The following MLLT3 variants were observed in gnomAD, a reference collection of about 807,000 sequenced individuals.
The protein encoded by MLLT3 is MLLT3 super elongation complex subunit, also known as protein AF-9.
Under a neutral mutation model 53.2 loss-of-function variants are expected in MLLT3, and 4 were observed. The observed-to-expected ratio is 0.08, with a 90% CI of 0.04 to 0.17. The LOEUF (loss-of-function observed/expected upper bound fraction) is 0.17, where lower values mean the gene tolerates loss of function less well. Among genes scored for constraint, MLLT3 ranks in the 10% least tolerant of loss-of-function variants. The pLI, the probability that MLLT3 is intolerant of heterozygous loss-of-function variation, is 1.00. For synonymous variants in MLLT3, 283 were observed against 230.6 expected (o/e 1.23, Z -2.06); for missense variants, 569 against 684.0 (o/e 0.83, Z 1.87).
intron 2 of MLLT3, among the ~76,000 whole-genome samples, chr9:20,492,248 A>G (rs1477301221): frequency 6.6e-6 from 1 of 152,012 alleles, no homozygotes; most frequent in Non-Finnish European, 1.5e-5. Context: ...GATTTTTTCA[A>G]AGGCTGATAG....
Position 20,343,312 on chromosome 9 carries a change from T to C in MLLT3, c.*3131A>G, listed in dbSNP as rs907823162. ...TAGAGAGATTTAAATTGCCTAGCAA[T>C]TTAAAATGTTTAAGACACTCTCTTA... is the stretch of plus-strand genomic sequence containing the variant. On this transcript the variant is annotated 3_prime_UTR_variant, in exon 11 of 11. Coordinates refer to ENST00000380338, the MANE Select transcript of MLLT3 (RefSeq NM_004529.4). The C allele has an allele frequency of 4.0e-5, 8 of 201,420 alleles. No homozygotes were observed. In the Admixed American group the frequency reaches 4.8e-4, roughly 12 times the overall value. 12.5% of individuals were successfully genotyped at this position (201,420 alleles called of 1,614,324 possible).
At chr9:20,420,259 TAACTTAGAATAAA>T (rs1289609600) in intron 4 of MLLT3, among the ~76,000 whole-genome samples, 1 of 152,148 alleles carries the variant, frequency 6.6e-6, no homozygotes, top group Non-Finnish European at 1.5e-5. Context: ...AGATCAAGTA[TAACTTAGAATAAA>T]AATGGAAGAA....
chr9:20,358,299 T>C (rs1037783431), intron 8 of MLLT3, among the ~76,000 whole-genome samples: 2 of 152,144 alleles, frequency 1.3e-5, no homozygotes, highest in African/African-American at 4.8e-5. Flanking sequence ...GTGGTATATA[T>C]ATTTCCTAAC....
At chr9:20,482,724 C>A (rs1328596498) in intron 2 of MLLT3, among the ~76,000 whole-genome samples, 3 of 152,066 alleles carry the variant, frequency 2.0e-5, no homozygotes, top group Non-Finnish European at 4.4e-5. Flanking sequence ...GTATAAGAGG[C>A]ATTAGCGGAT....
intron 2 of MLLT3, among the ~76,000 whole-genome samples, chr9:20,460,962 G>A (rs1824091846): frequency 6.6e-6 from 1 of 152,094 alleles, no homozygotes; most frequent in Non-Finnish European, 1.5e-5. Context: ...TAATCAACTG[G>A]GCCAGAAGAT....
intron 2 of MLLT3, among the ~76,000 whole-genome samples, chr9:20,590,883 A>G (rs1014424400): frequency 6.6e-6 from 1 of 151,172 alleles, no homozygotes; most frequent in East Asian, 1.9e-4. Flanking sequence ...TGGATGATGG[A>G]CATGCATCAC....
chr9:20,620,978 G>T lies in MLLT3; in HGVS notation c.13-144C>A. 1 of 1,000,416 alleles carries T rather than the reference G, an allele frequency of 1.0e-6. No homozygotes were observed. Among genetic ancestry groups the T allele is most frequent in the Non-Finnish European group, 1.5e-6 (1 of 659,366 alleles). The allele number at this position is 1,000,416 out of a possible 1,614,324, so 62.0% of individuals were successfully genotyped here. A position where few individuals can be genotyped will look rare whatever the true frequency, so the allele number is the denominator to read the frequency against. On this transcript the variant is annotated intron_variant, in intron 1 of 10. Coordinates refer to ENST00000380338, the MANE Select transcript of MLLT3 (RefSeq NM_004529.4). The surrounding 1 kb of genome is among the most constrained non-coding windows in gnomAD (Gnocchi z 6.1). ...TGCCCTCTGCATCCACGTTTCACGC[G>T]CGTGGGCGCGCACACTCCACACCCC... is the stretch of plus-strand genomic sequence containing the variant.
chr9:20,387,081 G>A (rs1822057759), intron 5 of MLLT3, among the ~76,000 whole-genome samples: 2 of 152,074 alleles, frequency 1.3e-5, no homozygotes, highest in South Asian at 2.1e-4. Context: ...TTCTTACTTC[G>A]GATCCTCTAT....
At chr9:20,470,685 G>C (rs1824368193) in intron 2 of MLLT3, among the ~76,000 whole-genome samples, 1 of 151,888 alleles carries the variant, frequency 6.6e-6, no homozygotes, top group Non-Finnish European at 1.5e-5. Context: ...TTCTTCCTGG[G>C]ATGTCAAGTA....
intron 2 of MLLT3, among the ~76,000 whole-genome samples, chr9:20,542,431 T>C (rs895987013): frequency 4.1e-4 from 63 of 152,084 alleles, no homozygotes; most frequent in Non-Finnish European, 6.2e-4. Context: ...TTTGTATTTT[T>C]AGTAGAGATG....
chr9:20,613,861 C>T (rs999665331), intron 2 of MLLT3, among the ~76,000 whole-genome samples: 3 of 151,972 alleles, frequency 2.0e-5, no homozygotes, highest in East Asian at 3.9e-4. Flanking sequence ...CTCTGTATAC[C>T]TTTTGACTCC....
At chr9:20,496,460 T>G (rs765253873) in intron 2 of MLLT3, among the ~76,000 whole-genome samples, 4 of 152,120 alleles carry the variant, frequency 2.6e-5, no homozygotes, top group Non-Finnish European at 4.4e-5. Context: ...ATTAGATCAC[T>G]CCAAATTATA....
At chr9:20,364,119 G>T (rs1431403499) in intron 6 of MLLT3, among the ~76,000 whole-genome samples, 1 of 152,146 alleles carries the variant, frequency 6.6e-6, no homozygotes, top group Non-Finnish European at 1.5e-5. Flanking sequence ...CAATTCCATG[G>T]TGTAATATCC....
intron 2 of MLLT3, among the ~76,000 whole-genome samples, chr9:20,580,021 C>T (rs1819751980): frequency 6.6e-6 from 1 of 152,158 alleles, no homozygotes; most frequent in Admixed American, 6.6e-5. Flanking sequence ...TTACACTAAA[C>T]AGGCCCATTA....
At chr9:20,523,719 C>T (rs1200881540) in intron 2 of MLLT3, among the ~76,000 whole-genome samples, 1 of 152,080 alleles carries the variant, frequency 6.6e-6, no homozygotes, top group Non-Finnish European at 1.5e-5. Flanking sequence ...CCTGTAATCC[C>T]AGCACTTTGG....
intron 1 of MLLT3, 71 bp downstream of exon 1, chr9:20,622,174 G>A: frequency 2.0e-6 from 3 of 1,481,248 alleles, no homozygotes; most frequent in Non-Finnish European, 2.8e-6. Context: ...GGCGCTGTCT[G>A]GGCTGCGGCG....
At chr9:20,599,080 C>A (rs1294129828) in intron 2 of MLLT3, among the ~76,000 whole-genome samples, 1 of 152,080 alleles carries the variant, frequency 6.6e-6, no homozygotes, top group African/African-American at 2.4e-5. Flanking sequence ...CCAAGGCGGG[C>A]AGATCACGAG....
chr9:20,447,057 G>C (rs1166271222), intron 4 of MLLT3, among the ~76,000 whole-genome samples: 1 of 152,036 alleles, frequency 6.6e-6, no homozygotes, highest in Non-Finnish European at 1.5e-5. Flanking sequence ...TCAAAAAATG[G>C]GGTCCACATC....
rs548510634 is a variant in MLLT3 at position 20,414,554 on chromosome 9, A to G, written c.421-129T>C. The G allele has an allele frequency of 1.7e-5, 24 of 1,409,898 alleles. No homozygotes were observed. The African/African-American group carries it at 3.1e-4, about 18-fold the overall frequency. 87.3% of individuals were successfully genotyped at this position (1,409,898 alleles called of 1,614,324 possible). A position where few individuals can be genotyped will look rare whatever the true frequency, so the allele number is the denominator to read the frequency against. ...TCATTAAAATACCAAAAATATTTTA[A>G]TATAAACCAAAAACCACAATATAAC... is the stretch of plus-strand genomic sequence containing the variant. On this transcript the variant is annotated intron_variant, in intron 4 of 10. Coordinates refer to ENST00000380338, the MANE Select transcript of MLLT3 (RefSeq NM_004529.4).
Sources: gnomAD v4.1 joint callset for allele counts (sites outside exome capture counted in the v4.1 genomes callset) on GRCh38, gnomAD v4.1.1 for gene constraint, Gnocchi (gnomAD v3.1) non-coding constraint, MANE v1.5 for transcripts, NCBI Gene and HGNC (gene_info 2026-07-23, HGNC 2026-07-21) for gene names.